The following SESN1 variants were observed in gnomAD, a reference collection of about 807,000 sequenced individuals.
SESN1 encodes sestrin-1.
SESN1 carries 30 observed loss-of-function variants against 59.3 expected under a neutral mutation model. That is an observed-to-expected ratio of 0.51 (90% CI 0.38 to 0.69). SESN1 has a LOEUF of 0.69. Ranked by LOEUF, SESN1 falls within the 30% of genes least tolerant of loss-of-function variation. SESN1 has a pLI of 0.00. For missense variants in SESN1, 566 were observed against 673.0 expected (o/e 0.84, Z 1.76); for synonymous variants, 197 against 219.9 (o/e 0.90, Z 0.92).
intron 1 of SESN1, among the ~76,000 whole-genome samples, chr6:109,075,737 A>G (rs994033759): frequency 2.0e-5 from 3 of 152,228 alleles, no homozygotes; most frequent in Admixed American, 6.5e-5. Flanking sequence ...CTAAGGTGTA[A>G]GCAGATTCCT....
chr6:109,066,296 C>T (rs922845358), intron 1 of SESN1, among the ~76,000 whole-genome samples: 3 of 150,800 alleles, frequency 2.0e-5, no homozygotes, highest in Non-Finnish European at 3.0e-5. Flanking sequence ...TTTTAAATCA[C>T]GAAGGTTTGC....
rs532355516 is a variant in SESN1, at chr6:108,984,943, C to T, written c.*2601G>A. Among the ~76,000 whole-genome samples, 2 of 152,248 alleles carry T rather than the reference C, an allele frequency of 1.3e-5. No homozygotes were observed. The highest frequency in any genetic ancestry group is 4.8e-5 in the African/African-American group (2 of 41,538). ...GAGTTCTCACAAAGATATTCTGGCC[C>T]ATATATTGTTAACTCAGCGTCTCTG... On this transcript the variant is annotated 3_prime_UTR_variant, in exon 10 of 10. Coordinates refer to ENST00000436639, the MANE Select transcript of SESN1 (RefSeq NM_014454.3).
intron 1 of SESN1, among the ~76,000 whole-genome samples, chr6:109,061,565 A>T (rs1780733199): frequency 6.6e-6 from 1 of 152,138 alleles, no homozygotes; most frequent in African/African-American, 2.4e-5. Context: ...GCACTCTGGG[A>T]GATGGAAGTG....
intron 1 of SESN1, among the ~76,000 whole-genome samples, chr6:109,075,378 T>A (rs1028727343): frequency 1.3e-5 from 2 of 152,106 alleles, no homozygotes; most frequent in African/African-American, 4.8e-5. Context: ...TCTAATGAAG[T>A]GATTAAGGTA....
chr6:108,999,706 G>A (rs1198785300), intron 4 of SESN1, among the ~76,000 whole-genome samples: 2 of 152,124 alleles, frequency 1.3e-5, no homozygotes, highest in African/African-American at 2.4e-5. Flanking sequence ...CTTTGGAAGA[G>A]TTTTACAGTT....
At chr6:109,050,114 T>G (rs1780517966) in intron 1 of SESN1, among the ~76,000 whole-genome samples, 1 of 152,328 alleles carries the variant, frequency 6.6e-6, no homozygotes, top group East Asian at 1.9e-4. Flanking sequence ...GCATCTGATT[T>G]GACTACTTTT....
Position 108,987,511 on chromosome 6 carries a change from C to T in SESN1, c.*33G>A. The T allele has an allele frequency of 8.2e-7, 1 of 1,225,714 alleles. No individual in the cohort carries two copies. The highest frequency in any genetic ancestry group is 1.2e-6 in the Non-Finnish European group (1 of 831,054). 75.9% of individuals were successfully genotyped at this position (1,225,714 alleles called of 1,614,324 possible). On this transcript the variant is annotated 3_prime_UTR_variant, in exon 10 of 10. Transcript: ENST00000436639. ...CCCCTTGTAGACTATATCTGCTGATCATTCCAGAATCATCTTTAATGAAGG... is the reference window on the plus strand; with the variant it reads ...CCCCTTGTAGACTATATCTGCTGATTATTCCAGAATCATCTTTAATGAAGG...
At position 108,987,551 on chromosome 6, in the gene SESN1, A is replaced by G; in HGVS notation, c.1649T>C (p.Met550Thr). The change falls in exon 10 of 10, where the codon ATG (methionine) becomes ACG (threonine). Residue 550 changes from methionine (M) to threonine (T), a missense_variant. By Grantham distance (81) the Met-to-Thr change is moderately conservative. Coordinates refer to ENST00000436639, the MANE Select transcript of SESN1 (RefSeq NM_014454.3). ...TTTAATGAAGGAAAGGCATCAGGTCATATAGCGGGTAATGGCTCTCAGAGC... is the reference window on the plus strand; with the variant it reads ...TTTAATGAAGGAAAGGCATCAGGTCGTATAGCGGGTAATGGCTCTCAGAGC... ...LYALRAITRY[M>T]T The G allele has an allele frequency of 1.3e-6, 2 of 1,578,184 alleles. No homozygotes were observed. Among genetic ancestry groups the G allele is most frequent in the Non-Finnish European group, 1.7e-6 (2 of 1,148,006 alleles).
chr6:109,048,238 G>A (rs1442598634), intron 1 of SESN1, among the ~76,000 whole-genome samples: 1 of 152,000 alleles, frequency 6.6e-6, no homozygotes, highest in Non-Finnish European at 1.5e-5. Flanking sequence ...TAAACATTCA[G>A]ATATCTCCAA....
chr6:108,999,804 C>CA (rs1472971593), intron 4 of SESN1: 1 of 152,028 alleles, frequency 6.6e-6, no homozygotes, highest in Non-Finnish European at 1.5e-5. Context: ...CTTTTGTCGA[C>CA]AAAAAACAAG....
intron 9 of SESN1, among the ~76,000 whole-genome samples, chr6:108,987,931 T>C (rs1779244584): frequency 6.6e-6 from 1 of 151,868 alleles, no homozygotes; most frequent in African/African-American, 2.4e-5. Context: ...GCTTCCCATG[T>C]AGCTGGGAAT....
At chr6:108,992,749 T>C (rs571875040) in intron 7 of SESN1, 38 bp downstream of exon 7, 7 of 1,272,078 alleles carry the variant, frequency 5.5e-6, no homozygotes, top group Non-Finnish European at 5.8e-6. Flanking sequence ...GACTGAGATA[T>C]TTCTAGTCAA....
chr6:109,081,910 C>T (rs1197079040), intron 1 of SESN1, among the ~76,000 whole-genome samples: 2 of 152,194 alleles, frequency 1.3e-5, no homozygotes, highest in African/African-American at 2.4e-5. Context: ...GATAGGGCAG[C>T]TCTAATGTCC....
chr6:109,008,012 C>A (rs1410993468), intron 1 of SESN1, among the ~76,000 whole-genome samples: 1 of 152,030 alleles, frequency 6.6e-6, no homozygotes, highest in East Asian at 1.9e-4. Context: ...TAAAGCATTC[C>A]TTCCTAAGTT....
intron 7 of SESN1, among the ~76,000 whole-genome samples, chr6:108,991,296 C>T (rs942221955): frequency 3.3e-5 from 5 of 151,984 alleles, no homozygotes. Context: ...GGCTAGAGTA[C>T]AATGGTATGA....
In SESN1 at chr6:108,987,079, CT is replaced by C. The variant is rs903754320; in HGVS notation, c.*464del. The C allele has an allele frequency of 6.5e-6, 1 of 153,360 alleles. No homozygotes were observed. The highest frequency in any genetic ancestry group is 2.4e-5 in the African/African-American group (1 of 41,448). 9.5% of individuals were successfully genotyped at this position (153,360 alleles called of 1,614,324 possible). On this transcript the variant is annotated 3_prime_UTR_variant, in exon 10 of 10. Coordinates refer to ENST00000436639, the MANE Select transcript of SESN1 (RefSeq NM_014454.3). ...TAGGCTCAGATAGTAGCAATGTTCA[CT>C]TTTATTACTAATAGCTTAACTGAAA...
chr6:109,093,552 T>G (rs181036724), intron 1 of SESN1, among the ~76,000 whole-genome samples: 1 of 152,148 alleles, frequency 6.6e-6, no homozygotes, highest in Non-Finnish European at 1.5e-5. Context: ...AAAAGAAATA[T>G]AAGGAAAAAC....
chr6:109,058,585 G>A (rs1165728075), intron 1 of SESN1, among the ~76,000 whole-genome samples: 2 of 150,706 alleles, frequency 1.3e-5, no homozygotes, highest in Non-Finnish European at 2.9e-5. Context: ...CTCTCTAGAT[G>A]CCAAAAGATG....
rs150263008 is a variant in SESN1, at chr6:109,066,818, G to C, written c.279+26977C>G. Among the ~76,000 whole-genome samples, 111 of 152,292 alleles carry C rather than the reference G, an allele frequency of 7.3e-4. No homozygotes were observed. The East Asian group carries it at 0.019, about 26-fold the overall frequency. On this transcript the variant is annotated intron_variant, in intron 1 of 9. Coordinates refer to ENST00000436639, the MANE Select transcript of SESN1 (RefSeq NM_014454.3). ...GTGCTAAGCTTAAAAGTTCGAGAGA[G>C]ACTATGTAGAGAAAAATGGATTTGC...
Sources: allele counts gnomAD v4.1 joint callset (sites outside exome capture counted in the v4.1 genomes callset), GRCh38; gene constraint gnomAD v4.1.1; transcripts MANE v1.5; gene names NCBI Gene and HGNC (gene_info 2026-07-23, HGNC 2026-07-21).